Variants in CCT3 observed in about 807,000 individuals in gnomAD.
CCT3 encodes T-complex protein 1 subunit gamma.
Under a neutral mutation model 65.3 loss-of-function variants are expected in CCT3, and 10 were observed. The ratio of observed to expected loss-of-function variants is 0.15; its 90% confidence interval spans 0.09 to 0.26. The LOEUF (loss-of-function observed/expected upper bound fraction) is 0.26, where lower values mean the gene tolerates loss of function less well. Ranked by LOEUF, CCT3 falls within the 10% of genes least tolerant of loss-of-function variation. The pLI, the probability that CCT3 is intolerant of heterozygous loss-of-function variation, is 1.00. For synonymous variants in CCT3, 225 were observed against 242.3 expected (o/e 0.93, Z 0.66); for missense variants, 626 against 708.7 (o/e 0.88, Z 1.33).
rs1665540837 is a variant in CCT3 at position 156,338,201 on chromosome 1, G to A, written c.-17C>T. ...GCCCATCATGGCGACGCGATGCAGAGCCGGGTACCCAGAGCTGGGGGAACC... is the reference window on the plus strand; with the variant it reads ...GCCCATCATGGCGACGCGATGCAGAACCGGGTACCCAGAGCTGGGGGAACC... On this transcript the variant is annotated 5_prime_UTR_variant, in exon 1 of 14. Transcript: ENST00000295688. 1.9e-6 allele frequency: 3 copies of A among 1,584,820 alleles called. No homozygotes were observed. Among genetic ancestry groups the A allele is most frequent in the Non-Finnish European group, 2.6e-6 (3 of 1,167,080 alleles).
intron 11 of CCT3, 140 bp from the exon 12 acceptor site, chr1:156,311,335 GC>G: frequency 1.4e-6 from 1 of 727,794 alleles, no homozygotes; most frequent in Non-Finnish European, 2.3e-6. Flanking sequence ...CCCCTACTGG[GC>G]AGGGCAGATT....
chr1:156,330,209 A>G (rs1665049871), intron 5 of CCT3, among the ~76,000 whole-genome samples: 1 of 152,194 alleles, frequency 6.6e-6, no homozygotes. Context: ...AATAAAAAAG[A>G]GTATGAAATC....
intron 10 of CCT3, among the ~76,000 whole-genome samples, chr1:156,312,960 G>A (rs1664145999): frequency 6.6e-6 from 1 of 152,196 alleles, no homozygotes; most frequent in African/African-American, 2.4e-5. Flanking sequence ...ATTTTAGAAA[G>A]AGGTTTGTTT....
intron 10 of CCT3, among the ~76,000 whole-genome samples, chr1:156,312,874 TATG>T (rs1211614812): frequency 1.3e-5 from 2 of 152,198 alleles, no homozygotes; most frequent in African/African-American, 4.8e-5. Flanking sequence ...GTGAAATCAT[TATG>T]ATACCTCATC....
Position 156,311,202 on chromosome 1 carries a change from G to A in CCT3, c.1156-7C>T. ...GGAGGTTGCGTTCTACTTCCTTGGA[G>A]AAGCAAACAGACAGTATGAAGCCAA... On this transcript the variant is annotated splice_polypyrimidine_tract_variant and splice_region_variant and intron_variant, in intron 11 of 13. Coordinates refer to ENST00000295688, the MANE Select transcript of CCT3 (RefSeq NM_005998.5). The A allele has an allele frequency of 1.9e-6, 3 of 1,613,022 alleles. No homozygotes were observed. The highest frequency in any genetic ancestry group is 8.5e-7 in the Non-Finnish European group (1 of 1,179,458).
intron 7 of CCT3, among the ~76,000 whole-genome samples, chr1:156,319,233 C>T (rs903243687): frequency 6.6e-6 from 1 of 151,814 alleles, no homozygotes; most frequent in Non-Finnish European, 1.5e-5. Flanking sequence ...CTGCCTCAGA[C>T]TCCCAAGTAG....
At chr1:156,325,515 G>A (rs1664761788) in intron 5 of CCT3, among the ~76,000 whole-genome samples, 1 of 151,876 alleles carries the variant, frequency 6.6e-6, no homozygotes, top group East Asian at 1.9e-4. Flanking sequence ...GTGACAGAGT[G>A]AGACCCTATC....
chr1:156,333,434 A>G (rs2101675626), intron 5 of CCT3, 113 bp downstream of exon 5: 2 of 770,238 alleles, frequency 2.6e-6, no homozygotes, highest in East Asian at 2.5e-5. Context: ...AAAATAACCA[A>G]TAAGCTATTT....
At chr1:156,318,598 C>T (rs1458428714) in intron 8 of CCT3, among the ~76,000 whole-genome samples, 1 of 152,094 alleles carries the variant, frequency 6.6e-6, no homozygotes, top group Non-Finnish European at 1.5e-5. Context: ...GCAGCATGAT[C>T]GTATAAAACA....
chr1:156,336,092 CTGT>C, intron 1 of CCT3: 1 of 438,614 alleles, frequency 2.3e-6, no homozygotes, highest in Non-Finnish European at 4.0e-6. Flanking sequence ...GTCCTTATGG[CTGT>C]TAACTTCCTT....
Position 156,312,185 on chromosome 1 carries a change from T to C in CCT3, c.1011A>G (p.Glu337=). 1 of 1,614,134 alleles carries C rather than the reference T, an allele frequency of 6.2e-7. No individual in the cohort carries two copies. Among genetic ancestry groups the C allele is most frequent in the East Asian group, 2.2e-5 (1 of 44,878 alleles). Residue 337 remains glutamate (E), a synonymous_variant, in exon 11 of 14, where the codon GAA becomes GAG. Coordinates refer to ENST00000295688, the MANE Select transcript of CCT3 (RefSeq NM_005998.5). The part of the protein sequence containing the change: ...CGARIVSRPE[E]LREDDVGTGA... ...CTGTTCCAACATCATCTTCTCTCAG[T>C]TCCTCTGGTCGGCTGACTATCCGGG...
At chr1:156,328,877 AT>A (rs200786112) in intron 5 of CCT3, among the ~76,000 whole-genome samples, 4,569 of 150,838 alleles carry the variant, frequency 0.03, 219 homozygotes, top group African/African-American at 0.11. Context: ...AAAAAAAAAA[AT>A]GTACATGTTA....
At chr1:156,322,838 A>G (rs1664614845) in intron 6 of CCT3, among the ~76,000 whole-genome samples, 1 of 152,218 alleles carries the variant, frequency 6.6e-6, no homozygotes, top group Non-Finnish European at 1.5e-5. Context: ...CAGCCTGAGC[A>G]ACAAGAGTGA....
chr1:156,323,133 C>G (rs1664636960), intron 6 of CCT3, among the ~76,000 whole-genome samples: 1 of 151,588 alleles, frequency 6.6e-6, no homozygotes, highest in African/African-American at 2.4e-5. Flanking sequence ...ATGGAGAAAC[C>G]CTGTCTCTAC....
intron 10 of CCT3, among the ~76,000 whole-genome samples, chr1:156,314,005 T>C (rs1664199085): frequency 6.6e-6 from 1 of 150,872 alleles, no homozygotes. Context: ...GGAGAATCGC[T>C]TGAACCAGGA....
At chr1:156,328,171 A>G (rs370527037) in intron 5 of CCT3, among the ~76,000 whole-genome samples, 8,790 of 77,708 alleles carry the variant, frequency 0.11, 821 homozygotes, top group Non-Finnish European at 0.14. Flanking sequence ...CCCTCTGCCC[A>G]GCCAGCCGCC....
chr1:156,313,350 G>GAAAAAAAAAAAAA (rs58926932), intron 10 of CCT3, among the ~76,000 whole-genome samples: 1 of 106,720 alleles, frequency 9.4e-6, no homozygotes, highest in Non-Finnish European at 1.9e-5. Context: ...AAAAAAAAAA[G>GAAAAAAAAAAAAA]AAAAAAAAAA....
chr1:156,325,097 A>C lies in CCT3; in HGVS notation c.305-8T>G, dbSNP rs1299556910. On this transcript the variant is annotated splice_region_variant and splice_polypyrimidine_tract_variant and intron_variant, in intron 5 of 13. Coordinates refer to ENST00000295688, the MANE Select transcript of CCT3 (RefSeq NM_005998.5). ...CAGACAGCATTTCCCCTGCTGAAAA[A>C]GATACAAGCACCATAGTAATATTTA... 1 of 1,575,712 alleles carries C rather than the reference A, an allele frequency of 6.3e-7. No homozygotes were observed. The highest frequency in any genetic ancestry group is 8.7e-7 in the Non-Finnish European group (1 of 1,148,554).
intron 7 of CCT3, among the ~76,000 whole-genome samples, chr1:156,319,673 A>G (rs895883908): frequency 2.6e-5 from 4 of 152,130 alleles, no homozygotes; most frequent in African/African-American, 9.7e-5. Context: ...GGAGTTCGAG[A>G]CCAGCCTGGG....
Sources: allele counts gnomAD v4.1 joint callset (sites outside exome capture counted in the v4.1 genomes callset), GRCh38; gene constraint gnomAD v4.1.1; transcripts MANE v1.5; gene names NCBI Gene and HGNC (gene_info 2026-07-23, HGNC 2026-07-21).